The following ZBTB7C variants were observed in gnomAD, a reference collection of about 807,000 sequenced individuals.
The protein encoded by ZBTB7C is zinc finger and BTB domain containing 7C.
ZBTB7C carries 8 observed loss-of-function variants against 25.7 expected under a neutral mutation model. The ratio of observed to expected loss-of-function variants is 0.31; its 90% CI spans 0.18 to 0.56. The LOEUF is 0.56. ZBTB7C is among the 20% of genes least tolerant of loss of function. The probability of loss-of-function intolerance (pLI) is 0.91; values close to 1 mark genes in which losing one functional copy is unlikely to be tolerated. For synonymous variants in ZBTB7C, 394 were observed against 369.0 expected (o/e 1.07, Z -0.78); for missense variants, 824 against 855.2 (o/e 0.96, Z 0.46).
rs116791070 is a variant in ZBTB7C, at chr18:48,077,048, T to C, written c.-16-35925A>G. The C allele has an allele frequency of 3.0e-3, 2,181 of 720,896 alleles. 24 individuals carry two copies. The African/African-American group carries it at 0.041, about 13-fold the overall frequency. 44.7% of individuals were successfully genotyped at this position (720,896 alleles called of 1,614,324 possible). On this transcript the variant is annotated intron_variant, in intron 3 of 4. Transcript: ENST00000590800. ...GAAGAGAATAGAAAGAAATGCACAA[T>C]ATGTTGTTATATGCAAAAAAAAAAA...
intron 3 of ZBTB7C, among the ~76,000 whole-genome samples, chr18:48,135,029 C>T (rs1186783144): frequency 5.3e-5 from 8 of 152,188 alleles, no homozygotes; most frequent in African/African-American, 1.9e-4. Context: ...CTCTCCTCCT[C>T]TTCATCCAGG....
chr18:48,123,807 CCTT>C (rs1568236879), intron 3 of ZBTB7C, among the ~76,000 whole-genome samples: 1 of 152,134 alleles, frequency 6.6e-6, no homozygotes, highest in African/African-American at 2.4e-5. Context: ...AAAGAGCTCT[CCTT>C]AGAAATGATC....
intron 2 of ZBTB7C, among the ~76,000 whole-genome samples, chr18:48,206,770 C>T (rs1404312025): frequency 6.6e-6 from 1 of 152,120 alleles, no homozygotes; most frequent in Non-Finnish European, 1.5e-5. Flanking sequence ...GAACGACACC[C>T]CTGGAGAATA....
rs150512455 is a variant in ZBTB7C, at chr18:48,040,245, T to G, written c.863A>C (p.Lys288Thr). The change falls in exon 4 of 5, where the codon AAG becomes ACG. Residue 288 changes from lysine to threonine, a missense_variant. This residue lies in a region of ZBTB7C where 316 missense variants were observed against 299.2 expected (regional missense o/e 1.06). Transcript: ENST00000590800. ...GPLDLVIKNR[K>T]IKEEEKEELP... ...CTCCTCCTTCTCCTCCTCCTTGATC[T>G]TCCGATTCTTGATGACCAGATCCAG... is the stretch of plus-strand genomic sequence containing the variant. 7.7e-6 allele frequency: 12 copies of G among 1,562,976 alleles called. No individual in the cohort carries two copies. In the African/African-American group the frequency reaches 1.2e-4, roughly 16 times the overall value.
At chr18:48,131,679 A>G (rs941495511) in intron 3 of ZBTB7C, among the ~76,000 whole-genome samples, 2 of 152,360 alleles carry the variant, frequency 1.3e-5, no homozygotes, top group East Asian at 3.9e-4. Flanking sequence ...TTATAGGGAC[A>G]TAGAGGGAAA....
intron 3 of ZBTB7C, among the ~76,000 whole-genome samples, chr18:48,155,356 C>T (rs190041415): frequency 9.0e-6 from 1 of 110,902 alleles, no homozygotes; most frequent in Non-Finnish European, 1.7e-5. Context: ...GAGACAGAGT[C>T]TCACTCTATC....
At chr18:48,405,589 T>G (rs1482250834) in intron 1 of ZBTB7C, among the ~76,000 whole-genome samples, 1 of 152,230 alleles carries the variant, frequency 6.6e-6, no homozygotes, top group Non-Finnish European at 1.5e-5. Context: ...TTTCTCAGCC[T>G]TTTGGATAAG....
At chr18:48,043,986 C>G (rs945586377) in intron 3 of ZBTB7C, among the ~76,000 whole-genome samples, 1 of 152,072 alleles carries the variant, frequency 6.6e-6, no homozygotes, top group African/African-American at 2.4e-5. Flanking sequence ...GAGCAGAGAC[C>G]TAGAAGAGGA....
intron 3 of ZBTB7C, among the ~76,000 whole-genome samples, chr18:48,174,064 A>G (rs1238275028): frequency 6.6e-6 from 1 of 152,384 alleles, no homozygotes; most frequent in Non-Finnish European, 1.5e-5. Context: ...ACGTTTCCAC[A>G]TGGGTGAATT....
intron 3 of ZBTB7C, among the ~76,000 whole-genome samples, chr18:48,048,249 G>T (rs2036550823): frequency 6.6e-6 from 1 of 152,220 alleles, no homozygotes; most frequent in Non-Finnish European, 1.5e-5. Context: ...GGCCTTGTCT[G>T]AGCTGTGAAG....
chr18:48,296,400 G>A (rs2045392790), intron 2 of ZBTB7C, among the ~76,000 whole-genome samples: 1 of 152,246 alleles, frequency 6.6e-6, no homozygotes, highest in Non-Finnish European at 1.5e-5. Context: ...GCCTAAGGCT[G>A]AGTCCTAGCA....
chr18:48,311,714 T>C (rs1463842630), intron 2 of ZBTB7C, among the ~76,000 whole-genome samples: 1 of 152,154 alleles, frequency 6.6e-6, no homozygotes, highest in Non-Finnish European at 1.5e-5. Context: ...TGAAGGGAAG[T>C]CCTAGGACCA....
At chr18:48,089,856 G>A (rs956985649) in intron 3 of ZBTB7C, among the ~76,000 whole-genome samples, 1 of 152,230 alleles carries the variant, frequency 6.6e-6, no homozygotes, top group Non-Finnish European at 1.5e-5. Context: ...TGGAGATGGG[G>A]TCAGGCCTGG....
chr18:48,367,632 T>A (rs918792088), intron 1 of ZBTB7C, among the ~76,000 whole-genome samples: 1 of 151,710 alleles, frequency 6.6e-6, no homozygotes, highest in African/African-American at 2.4e-5. Context: ...CAATAACTGC[T>A]CTATTCAGCC....
intron 2 of ZBTB7C, among the ~76,000 whole-genome samples, chr18:48,219,456 A>T (rs760319227): frequency 2.6e-5 from 4 of 152,216 alleles, no homozygotes; most frequent in African/African-American, 7.2e-5. Context: ...TGAGGCAAGT[A>T]CCATATCATT....
chr18:48,284,877 C>G (rs2044993975), intron 2 of ZBTB7C, among the ~76,000 whole-genome samples: 1 of 152,072 alleles, frequency 6.6e-6, no homozygotes, highest in Admixed American at 6.5e-5. Context: ...AGTTATCTCA[C>G]CCTCTCCTGA....
intron 1 of ZBTB7C, among the ~76,000 whole-genome samples, chr18:48,339,911 CCTTGAG>C (rs2046555868): frequency 6.6e-6 from 1 of 152,162 alleles, no homozygotes; most frequent in Non-Finnish European, 1.5e-5. Flanking sequence ...GCTAGGCTGA[CCTTGAG>C]CCTCCCAGCA....
chr18:48,296,280 G>A (rs1045475279), intron 2 of ZBTB7C, among the ~76,000 whole-genome samples: 4 of 152,142 alleles, frequency 2.6e-5, no homozygotes, highest in South Asian at 4.1e-4. Flanking sequence ...TGCCAGGCAG[G>A]GTGGCAGCCT....
intron 3 of ZBTB7C, among the ~76,000 whole-genome samples, chr18:48,083,656 C>A (rs779293295): frequency 6.6e-6 from 1 of 152,162 alleles, no homozygotes; most frequent in Non-Finnish European, 1.5e-5. Flanking sequence ...CTGAATGCTT[C>A]TCTGTAACGG....
Sources: gnomAD v4.1 joint callset for allele counts (sites outside exome capture counted in the v4.1 genomes callset) on GRCh38, gnomAD v4.1.1 for gene constraint, gnomAD v4.1.1 regional missense constraint, MANE v1.5 for transcripts, NCBI Gene and HGNC (gene_info 2026-07-23, HGNC 2026-07-21) for gene names.